The following FOXP1 variants were observed in gnomAD, a reference collection of about 807,000 sequenced individuals.
FOXP1 encodes the protein forkhead box protein P1.
In FOXP1, 15 loss-of-function variants were observed where a neutral mutation model predicts 98.2. The observed-to-expected ratio is 0.15, with a 90% CI of 0.10 to 0.24. FOXP1 has a LOEUF of 0.24. Among genes scored for constraint, FOXP1 ranks in the 10% least tolerant of loss-of-function variants. The pLI is 1.00. For missense variants in FOXP1, 633 were observed against 848.5 expected (o/e 0.75, Z 3.15); for synonymous variants, 371 against 314.5 (o/e 1.18, Z -1.90).
chr3:71,260,663 C>G lies in FOXP1; in HGVS notation c.-12+39157G>C, dbSNP rs371614839. ...GTTCAAGCAATTCTCCTGCCCCAGC[C>G]TTCCAAGTAGCTGAGACTACAGGCG... is the stretch of plus-strand genomic sequence containing the variant. On this transcript the variant is annotated intron_variant, in intron 5 of 20. Coordinates refer to ENST00000649528, the MANE Select transcript of FOXP1 (RefSeq NM_001349338.3). Among the ~76,000 whole-genome samples, 578 of 152,060 alleles carry G rather than the reference C, an allele frequency of 3.8e-3. 2 individuals are homozygous for G. The highest frequency in any genetic ancestry group is 0.013 in the African/African-American group (549 of 41,460).
chr3:71,522,470 C>T (rs1029864305), intron 2 of FOXP1, among the ~76,000 whole-genome samples: 1 of 152,178 alleles, frequency 6.6e-6, no homozygotes, highest in African/African-American at 2.4e-5. Context: ...GCTTGAGTTT[C>T]AATCTTGAAT....
At chr3:71,313,437 C>T (rs2074847047) in intron 4 of FOXP1, among the ~76,000 whole-genome samples, 1 of 151,938 alleles carries the variant, frequency 6.6e-6, no homozygotes, top group Non-Finnish European at 1.5e-5. Flanking sequence ...AACAGGCTAT[C>T]AAAAACAACA....
intron 20 of FOXP1, among the ~76,000 whole-genome samples, chr3:70,965,036 C>T (rs985921662): frequency 6.6e-6 from 1 of 152,172 alleles, no homozygotes; most frequent in African/African-American, 2.4e-5. Context: ...ACTGCAAACA[C>T]GAAATGGGTT....
intron 17 of FOXP1, among the ~76,000 whole-genome samples, chr3:70,976,161 C>T (rs1415946142): frequency 6.6e-6 from 1 of 151,078 alleles, no homozygotes; most frequent in Admixed American, 6.6e-5. Context: ...GCAATCGTCC[C>T]ACCTCTGCCT....
At chr3:71,052,973 A>G (rs964263325) in intron 8 of FOXP1, among the ~76,000 whole-genome samples, 1 of 152,140 alleles carries the variant, frequency 6.6e-6, no homozygotes, top group African/African-American at 2.4e-5. Context: ...AGGGCTGGGC[A>G]CTATGCAGTG....
intron 4 of FOXP1, among the ~76,000 whole-genome samples, chr3:71,349,518 A>G (rs1010752212): frequency 6.6e-6 from 1 of 152,194 alleles, no homozygotes; most frequent in African/African-American, 2.4e-5. Flanking sequence ...CAAGGAGAAA[A>G]TATGATGGAC....
At chr3:71,148,850 A>C (rs1290723523) in intron 6 of FOXP1, among the ~76,000 whole-genome samples, 1 of 152,214 alleles carries the variant, frequency 6.6e-6, no homozygotes. Context: ...ACATGGGTGA[A>C]GCACTCTACT....
intron 12 of FOXP1, among the ~76,000 whole-genome samples, chr3:71,011,386 T>G (rs1311925832): frequency 2.6e-5 from 4 of 152,060 alleles, no homozygotes; most frequent in Non-Finnish European, 1.5e-5. Context: ...TGCCTATGGC[T>G]TTTTCTGGGG....
At chr3:71,224,247 G>C (rs552686474) in intron 5 of FOXP1, among the ~76,000 whole-genome samples, 1 of 152,308 alleles carries the variant, frequency 6.6e-6, no homozygotes, top group Admixed American at 6.5e-5. Context: ...GGATTGCTCA[G>C]TTACGTCTAG....
chr3:71,583,481 G>A (rs887222656), intron 1 of FOXP1, 90 bp downstream of exon 1: 1 of 923,430 alleles, frequency 1.1e-6, no homozygotes, highest in African/African-American at 2.3e-5. Context: ...TTTTTTTTGT[G>A]CTGGTTGTTG....
intron 5 of FOXP1, among the ~76,000 whole-genome samples, chr3:71,251,335 C>T (rs2068172314): frequency 6.6e-6 from 1 of 152,192 alleles, no homozygotes; most frequent in Admixed American, 6.5e-5. Flanking sequence ...TGCCTCCATC[C>T]TGTCCCTCCC....
At position 71,397,008 on chromosome 3, in the gene FOXP1, G is replaced by A. The variant is rs112227605; in HGVS notation, c.-167-37764C>T. On this transcript the variant is annotated intron_variant, in intron 3 of 20. Transcript: ENST00000649528. Reference sequence around the variant, plus strand: ...TGTATATATATACACATATATATGTGTATATATATATATATACATATATAT... The same window carrying A: ...TGTATATATATACACATATATATGTATATATATATATATATACATATATAT... Among the ~76,000 whole-genome samples, 4 of 20,374 alleles carry A rather than the reference G, an allele frequency of 2.0e-4. 1 individual carries two copies. Among genetic ancestry groups the A allele is most frequent in the African/African-American group, 5.0e-4 (3 of 6,022 alleles). 13.4% of individuals were successfully genotyped at this position (20,374 alleles called of 152,430 possible). A position where few individuals can be genotyped will look rare whatever the true frequency, so the allele number is the denominator to read the frequency against.
chr3:71,526,245 C>T (rs1361717149), intron 2 of FOXP1, among the ~76,000 whole-genome samples: 1 of 152,146 alleles, frequency 6.6e-6, no homozygotes, highest in Admixed American at 6.6e-5. Context: ...GAGCTAAAAA[C>T]TCCAGGGCCA....
intron 5 of FOXP1, among the ~76,000 whole-genome samples, chr3:71,266,916 G>A (rs959785015): frequency 9.9e-5 from 15 of 152,114 alleles, no homozygotes; most frequent in African/African-American, 3.6e-4. Flanking sequence ...TCTTTTTATG[G>A]CTGCAGTTTT....
chr3:71,276,330 A>G (rs1350463619), intron 5 of FOXP1: 1 of 152,186 alleles, frequency 6.6e-6, no homozygotes, highest in Non-Finnish European at 1.5e-5. Flanking sequence ...TTTTGGTCCT[A>G]TAATATAGGA....
intron 19 of FOXP1, among the ~76,000 whole-genome samples, chr3:70,966,995 C>A (rs2034936187): frequency 6.6e-6 from 1 of 152,218 alleles, no homozygotes; most frequent in South Asian, 2.1e-4. Context: ...TTACGACCCA[C>A]TGACTTTTCA....
At chr3:71,191,581 A>G (rs2108340478) in intron 6 of FOXP1, among the ~76,000 whole-genome samples, 1 of 152,336 alleles carries the variant, frequency 6.6e-6, no homozygotes, top group South Asian at 2.1e-4. Context: ...ACTGTTTAGT[A>G]ATCAAAACTT....
chr3:70,983,478 ACT>A (rs2039227120), intron 14 of FOXP1, among the ~76,000 whole-genome samples: 1 of 152,002 alleles, frequency 6.6e-6, no homozygotes, highest in African/African-American at 2.4e-5. Flanking sequence ...GGAGCTAAAA[ACT>A]CTTTCAAAAC....
intron 3 of FOXP1, among the ~76,000 whole-genome samples, chr3:71,433,930 C>T (rs2084967840): frequency 6.6e-6 from 1 of 152,218 alleles, no homozygotes; most frequent in Admixed American, 6.5e-5. Context: ...AACCCAAGCC[C>T]ACGTTACAGC....
Sources: gnomAD v4.1 joint callset for allele counts (sites outside exome capture counted in the v4.1 genomes callset) on GRCh38, gnomAD v4.1.1 for gene constraint, MANE v1.5 for transcripts, NCBI Gene and HGNC (gene_info 2026-07-23, HGNC 2026-07-21) for gene names.